Variants in PLCB1 observed in about 807,000 individuals in gnomAD.
PLCB1 encodes phospholipase C beta 1.
Under a neutral mutation model 161.8 loss-of-function variants are expected in PLCB1, and 46 were observed. The observed-to-expected ratio is 0.28, with a 90% CI of 0.22 to 0.36. The LOEUF is 0.36. Among genes scored for constraint, PLCB1 ranks in the 10% least tolerant of loss-of-function variants. PLCB1 has a pLI of 1.00. For synonymous variants in PLCB1, 517 were observed against 503.7 expected, an observed-to-expected ratio of 1.03 and a Z score of -0.35; for missense variants, 1,016 against 1,472.5, an observed-to-expected ratio of 0.69 and a Z score of 5.07.
At chr20:8,247,531 A>G (rs1253874222) in intron 2 of PLCB1, among the ~76,000 whole-genome samples, 1 of 151,946 alleles carries the variant, frequency 6.6e-6, no homozygotes, top group Non-Finnish European at 1.5e-5. Context: ...AAATGAAAAC[A>G]TGAATTTAAG....
chr20:8,773,928 C>T (rs541409925), intron 26 of PLCB1, among the ~76,000 whole-genome samples: 1 of 149,110 alleles, frequency 6.7e-6, no homozygotes, highest in East Asian at 1.9e-4. Context: ...GAGCTGAGAT[C>T]ATGCCACTGC....
At position 8,393,339 on chromosome 20, in the gene PLCB1, TGTTTCTCCAA is replaced by T. The variant is rs1015043873; in HGVS notation, c.246+21892_246+21901del. Among the ~76,000 whole-genome samples, 197 of 152,270 alleles carry T rather than the reference TGTTTCTCCAA, an allele frequency of 1.3e-3. 1 individual carries two copies. Among genetic ancestry groups the T allele is most frequent in the African/African-American group, 4.5e-3 (186 of 41,566 alleles). ...ATACTTTATCAAAACCAAAACTCAC[TGTTTCTCCAA>T]GTGAGTTCCTTGGAATACTAATAGA... On this transcript the variant is annotated intron_variant, in intron 3 of 31. Transcript: ENST00000338037.
chr20:8,248,906 T>C (rs1456205794), intron 2 of PLCB1: 1 of 151,950 alleles, frequency 6.6e-6, no homozygotes, highest in Non-Finnish European at 1.5e-5. Context: ...TATATAGGAC[T>C]ATTCCTCCTA....
intron 2 of PLCB1, among the ~76,000 whole-genome samples, chr20:8,279,884 G>T (rs1342092298): frequency 6.6e-6 from 1 of 152,166 alleles, no homozygotes; most frequent in African/African-American, 2.4e-5. Flanking sequence ...AACTGCCCTA[G>T]AAGGCAGGTT....
chr20:8,842,575 G>A (rs1239355410), intron 31 of PLCB1, among the ~76,000 whole-genome samples: 4 of 152,164 alleles, frequency 2.6e-5, no homozygotes, highest in Non-Finnish European at 5.9e-5. Context: ...TAGAAGGAAA[G>A]GGCTTTATTC....
chr20:8,801,192 C>T (rs568006783), intron 31 of PLCB1, among the ~76,000 whole-genome samples: 6 of 152,126 alleles, frequency 3.9e-5, no homozygotes, highest in Non-Finnish European at 8.8e-5. Context: ...ACAAGACAGG[C>T]GAATCCCACC....
intron 3 of PLCB1, among the ~76,000 whole-genome samples, chr20:8,503,556 C>T (rs989458556): frequency 6.6e-6 from 1 of 152,038 alleles, no homozygotes; most frequent in African/African-American, 2.4e-5. Context: ...TTTTTCCTTC[C>T]CTTCCTATTA....
At chr20:8,809,328 C>T (rs1379513087) in intron 31 of PLCB1, among the ~76,000 whole-genome samples, 1 of 151,978 alleles carries the variant, frequency 6.6e-6, no homozygotes, top group Non-Finnish European at 1.5e-5. Flanking sequence ...TAATTTAATA[C>T]CTCTCACTAT....
Position 8,629,829 on chromosome 20 carries a change from C to A in PLCB1, c.384+1398C>A, listed in dbSNP as rs913119016. ...TTTCTTTTCTTTCTTTTCTTTCTTTCTTTCTTTCTTTCTTTCTTTCTTTCT... is the reference window on the plus strand; with the variant it reads ...TTTCTTTTCTTTCTTTTCTTTCTTTATTTCTTTCTTTCTTTCTTTCTTTCT... On this transcript the variant is annotated intron_variant, in intron 4 of 31. Transcript: ENST00000338037. 4.6e-5 allele frequency among the ~76,000 whole-genome samples: 3 copies of A among 65,706 alleles called. No homozygotes were observed. The East Asian group carries it at 9.4e-4, about 21-fold the overall frequency. The allele number at this position is 65,706 out of a possible 152,430, so 43.1% of individuals were successfully genotyped here.
chr20:8,688,844 G>A (rs4422225), intron 10 of PLCB1, among the ~76,000 whole-genome samples: 99,896 of 151,926 alleles, frequency 0.66, 33,922 homozygotes, highest in South Asian at 0.78. Context: ...TTTTGGTTCC[G>A]TATGAATTTT....
At chr20:8,390,343 T>C (rs1987551613) in intron 3 of PLCB1, among the ~76,000 whole-genome samples, 1 of 152,182 alleles carries the variant, frequency 6.6e-6, no homozygotes, top group African/African-American at 2.4e-5. Context: ...AGGAACAAGT[T>C]GTATTGCATT....
intron 3 of PLCB1, among the ~76,000 whole-genome samples, chr20:8,621,771 C>T (rs1988191838): frequency 6.6e-6 from 1 of 152,142 alleles, no homozygotes; most frequent in Admixed American, 6.6e-5. Context: ...TAGAGTTTAC[C>T]ATCAGGTGTA....
chr20:8,523,768 C>T (rs776327639), intron 3 of PLCB1, among the ~76,000 whole-genome samples: 27 of 151,464 alleles, frequency 1.8e-4, no homozygotes, highest in Non-Finnish European at 2.8e-4. Flanking sequence ...CAGATCATTG[C>T]GCATTGGGAG....
rs1372277633 is a variant in PLCB1 at position 8,313,925 on chromosome 20, C to T, written c.178-57457C>T. On this transcript the variant is annotated intron_variant, in intron 2 of 31. Coordinates refer to ENST00000338037, the MANE Select transcript of PLCB1 (RefSeq NM_015192.4). ...GTCATGATTATTTTTATCTGTATAA[C>T]AATGTCTTGTTGCTTCAATGTAGTC... Among the ~76,000 whole-genome samples the T allele has an allele frequency of 2.0e-5, 3 of 152,112 alleles. No homozygotes were observed. The East Asian group carries it at 5.8e-4, about 29-fold the overall frequency.
intron 2 of PLCB1, among the ~76,000 whole-genome samples, chr20:8,356,688 A>T (rs1986372368): frequency 6.6e-6 from 1 of 152,180 alleles, no homozygotes; most frequent in South Asian, 2.1e-4. Flanking sequence ...CTTAATTTTG[A>T]CTGACCCACA....
At chr20:8,638,383 A>AGGG (rs1366941932) in intron 4 of PLCB1, among the ~76,000 whole-genome samples, 3 of 152,110 alleles carry the variant, frequency 2.0e-5, no homozygotes, top group African/African-American at 7.2e-5. Flanking sequence ...ATAGAACTCT[A>AGGG]TCACAAGCAA....
chr20:8,573,097 A>G (rs145474194), intron 3 of PLCB1, among the ~76,000 whole-genome samples: 3 of 152,306 alleles, frequency 2.0e-5, no homozygotes, highest in African/African-American at 7.2e-5. Context: ...GTAGGAGGAT[A>G]GCAGGAAAGT....
chr20:8,601,521 T>C (rs1345144092), intron 3 of PLCB1, among the ~76,000 whole-genome samples: 1 of 152,190 alleles, frequency 6.6e-6, no homozygotes, highest in East Asian at 1.9e-4. Flanking sequence ...TGTGAAAATG[T>C]ATATTATGGG....
At chr20:8,495,987 C>G (rs115203693) in intron 3 of PLCB1, among the ~76,000 whole-genome samples, 3 of 152,248 alleles carry the variant, frequency 2.0e-5, no homozygotes, top group African/African-American at 7.2e-5. Flanking sequence ...AGGTTTTCCT[C>G]CATGTTTTCT....
Sources: gnomAD v4.1 joint callset for allele counts (sites outside exome capture counted in the v4.1 genomes callset) on GRCh38, gnomAD v4.1.1 for gene constraint, MANE v1.5 for transcripts, NCBI Gene and HGNC (gene_info 2026-07-23, HGNC 2026-07-21) for gene names.